MFRP: variants seen among roughly 807,000 people sequenced by gnomAD.
MFRP encodes the protein membrane frizzled-related protein.
Under a neutral mutation model 65.8 loss-of-function variants are expected in MFRP, and 74 were observed. That is an observed-to-expected ratio of 1.12 (90% CI 0.93 to 1.36). The LOEUF (loss-of-function observed/expected upper bound fraction) is 1.36. Ranked by LOEUF, MFRP falls within the 40% of genes most tolerant of loss-of-function variation. The probability of loss-of-function intolerance (pLI) is 0.00; values close to 1 mark genes in which losing one functional copy is unlikely to be tolerated. For synonymous variants in MFRP, 336 were observed against 288.3 expected, an observed-to-expected ratio of 1.17 and a Z score of -1.68; for missense variants, 838 against 736.0, an observed-to-expected ratio of 1.14 and a Z score of -1.60.
In MFRP at chr11:119,342,576, C is replaced by G. The variant is rs371437024; in HGVS notation, c.1387+20G>C. ...GTGGGCACCCAGCCTGCTCAGGGTC[C>G]CCAGGGGCAGGCTTCTCACCTGGGG... On this transcript the variant is annotated intron_variant, in intron 11 of 14. Coordinates refer to ENST00000619721, the MANE Select transcript of MFRP (RefSeq NM_031433.4). 6.2e-7 allele frequency: 1 copy of G among 1,612,484 alleles called. No individual in the cohort carries two copies. The highest frequency in any genetic ancestry group is 8.5e-7 in the Non-Finnish European group (1 of 1,179,626).
Position 119,345,486 on chromosome 11 carries a change from T to G in MFRP, c.575A>C (p.Glu192Ala). 7 of 1,614,104 alleles carry G rather than the reference T, an allele frequency of 4.3e-6. No homozygotes were observed. Among genetic ancestry groups the G allele is most frequent in the Non-Finnish European group, 5.9e-6 (7 of 1,180,040 alleles). The change falls in exon 5 of 15, where the codon GAG becomes GCG. Residue 192 changes from glutamate (E) to alanine (A), a missense_variant. Transcript: ENST00000619721. ...IQLKIEALSI[E>A]SVASCLFDRL... is the part of the protein sequence containing the mutation. ...ATCAAAAAGGCAAGAGGCCACACTC[T>G]CTATGCTGAGGGCTTCGATCTTGAG...
rs1202992901 is a variant in MFRP at position 119,343,852 on chromosome 11, T to C, written c.1088A>G (p.Glu363Gly). The C allele has an allele frequency of 3.7e-6, 6 of 1,613,848 alleles. No individual in the cohort carries two copies. Among genetic ancestry groups the C allele is most frequent in the African/African-American group, 2.7e-5 (2 of 74,884 alleles). The part of the protein sequence containing the change: ...ECKFDYVEVY[E>G]TSSSGAFSLL... The stretch of plus-strand genomic sequence containing the variant: ...GCTGAAGGCCCCTGAGCTGCTGGTC[T>C]CATACACCTCCACGTAGTCAAACTT... Residue 363 changes from glutamate (E) to glycine (G), a missense_variant, in exon 9 of 15, where the codon GAG (glutamate) becomes GGG (glycine). Transcript: ENST00000619721.
Position 119,344,734 on chromosome 11 carries a change from G to C in MFRP, c.796C>G (p.Arg266Gly). 6.2e-7 allele frequency: 1 copy of C among 1,613,996 alleles called. No homozygotes were observed. Among genetic ancestry groups the C allele is most frequent in the Non-Finnish European group, 8.5e-7 (1 of 1,179,994 alleles). ...GRGSCAHDEFRCDQLICLLPD... is the reference protein window; with the variant it reads ...GRGSCAHDEFGCDQLICLLPD... ...AGCAGGCAGATGAGCTGGTCACAGC[G>C]GAACTCATCATGGGCACAGCTCCCT... The change falls in exon 7 of 15, where the codon CGC becomes GGC. Residue 266 changes from arginine (R) to glycine (G), a missense_variant. Physicochemically the swap from Arg to Gly is moderately radical, Grantham distance 125. Transcript: ENST00000619721.
At chr11:119,343,761 G>A in intron 9 of MFRP, 55 bp downstream of exon 9, 1 of 1,608,758 alleles carries the variant, frequency 6.2e-7, no homozygotes, top group Non-Finnish European at 8.5e-7. Flanking sequence ...ATGGAAGCCG[G>A]GGGTGGCAGA....
rs1179872820 is a variant in MFRP at position 119,343,810 on chromosome 11, C to T, written c.1124+6G>A. The T allele has an allele frequency of 1.2e-6, 2 of 1,613,766 alleles. No homozygotes were observed. The highest frequency in any genetic ancestry group is 2.7e-5 in the African/African-American group (2 of 74,888). ...GTTATCCATGGCTCTTCCCTGGCTC[C>T]TGTACCTGCCCAGGAGGCTGAAGGC... is the stretch of plus-strand genomic sequence containing the variant. On this transcript the variant is annotated splice_donor_region_variant and intron_variant, in intron 9 of 14. Transcript: ENST00000619721.
In MFRP at chr11:119,345,555, T is replaced by C. The variant is rs745894130; in HGVS notation, c.506A>G (p.His169Arg). The change falls in exon 5 of 15, where the codon CAC becomes CGC. Residue 169 changes from histidine to arginine, a missense_variant. His to Arg is a conservative substitution (Grantham distance 29, BLOSUM62 0). Transcript: ENST00000619721. ...GGCCACCTGGATATGCCACACGCAG[T>C]GGGTGTTGGGGGGGTAAGGGTCTGG... ...NYPDPYPPNTHCVWHIQVATD... is the reference protein window; with the variant it reads ...NYPDPYPPNTRCVWHIQVATD... The C allele has an allele frequency of 4.1e-5, 66 of 1,613,812 alleles. No homozygotes were observed. In the Middle Eastern group the frequency reaches 4.9e-4, roughly 12 times the overall value.
Position 119,341,994 on chromosome 11 carries a change from T to C in MFRP, c.1388-10A>G. ...GGCTCACAGGCCAGCTCTGCAGGGG[T>C]GGAGGGGAGGGCCACTGTGGGGACT... On this transcript the variant is annotated splice_polypyrimidine_tract_variant and intron_variant, in intron 11 of 14. Transcript: ENST00000619721. The C allele has an allele frequency of 6.2e-7, 1 of 1,612,654 alleles. No homozygotes were observed. Among genetic ancestry groups the C allele is most frequent in the Non-Finnish European group, 8.5e-7 (1 of 1,179,856 alleles).
intron 11 of MFRP, 31 bp from the exon 12 acceptor site, chr11:119,342,015 G>T: frequency 6.2e-7 from 1 of 1,612,220 alleles, no homozygotes; most frequent in Non-Finnish European, 8.5e-7. Context: ...GCCACTGTGG[G>T]GACTGCTCAC....
In MFRP at chr11:119,339,755, C is replaced by T; in HGVS notation, c.*1204G>A. On this transcript the variant is annotated 3_prime_UTR_variant, in exon 15 of 15. Transcript: ENST00000619721. The surrounding 1 kb of genome is among the most constrained non-coding windows in gnomAD (Gnocchi z 5.4). The stretch of plus-strand genomic sequence containing the variant: ...GGAGCGCTTGGCGCTGAAGGCGGAT[C>T]GCGGAGGCACCGAGCACTCCCCGGC... 6.3e-7 allele frequency: 1 copy of T among 1,590,376 alleles called. No homozygotes were observed.
chr11:119,342,440 C>G (rs1307422131), intron 11 of MFRP, among the ~76,000 whole-genome samples, 156 bp downstream of exon 11: 1 of 152,174 alleles, frequency 6.6e-6, no homozygotes, highest in Admixed American at 6.5e-5. Flanking sequence ...CGACTGTCTT[C>G]CAGGACTCTG....
At chr11:119,340,545 G>A in intron 13 of MFRP, 105 bp from the exon 14 acceptor site, 1 of 816,930 alleles carries the variant, frequency 1.2e-6, no homozygotes, top group Non-Finnish European at 1.9e-6. Flanking sequence ...CCGTGCCCCT[G>A]AGGCTGAGCG....
In MFRP at chr11:119,340,905, C is replaced by T. The variant is rs548497696; in HGVS notation, c.*643G>A. On this transcript the variant is annotated 3_prime_UTR_variant, in exon 13 of 15. Transcript: ENST00000619721. ...GTTCAGGGGCCAAGAGCTCCCGGAC[C>T]GGGAAATAGCTGGGAAATAACTCGT... 1.8e-4 allele frequency: 31 copies of T among 167,650 alleles called. 1 individual carries two copies. In the South Asian group the frequency reaches 2.3e-3, roughly 12 times the overall value. 10.4% of individuals were successfully genotyped at this position (167,650 alleles called of 1,614,324 possible).
At chr11:119,344,053 C>CAG in intron 8 of MFRP, 89 bp from the exon 9 acceptor site, 3 of 1,525,654 alleles carry the variant, frequency 2.0e-6, no homozygotes, top group Non-Finnish European at 2.7e-6. Context: ...CCACTGCTGG[C>CAG]TGGGGGGATG....
rs1254577055 is a variant in MFRP, at chr11:119,342,916, A to C, written c.1212T>G (p.Ser404Arg). ...VLFRTDHGIS[S>R]GGFSATYLAF... is the part of the protein sequence containing the mutation. ...CCAGGTAGGTGGCTGAGAAGCCTCC[A>C]CTGCTGATGCCATGATCTGTCCTAA... is the stretch of plus-strand genomic sequence containing the variant. The change falls in exon 10 of 15, where the codon AGT (serine) becomes AGG (arginine). Residue 404 changes from serine (S) to arginine (R), a missense_variant. Ser to Arg is a moderately radical substitution (Grantham distance 110, BLOSUM62 -1). Transcript: ENST00000619721. The C allele has an allele frequency of 2.5e-6, 4 of 1,613,034 alleles. No homozygotes were observed. Among genetic ancestry groups the C allele is most frequent in the Non-Finnish European group, 3.4e-6 (4 of 1,179,908 alleles).
rs1950516238 is a variant in MFRP at position 119,342,796 on chromosome 11, G to A, written c.1256-69C>T. 7 of 1,612,890 alleles carry A rather than the reference G, an allele frequency of 4.3e-6. No homozygotes were observed. The Admixed American group carries it at 1.2e-4, about 27-fold the overall frequency. ...ACCCCCAGTACCCCCAGAGTGTCCT[G>A]ACCAGGGTCCAGAGCCCTTGTCTGT... On this transcript the variant is annotated intron_variant, in intron 10 of 14. Coordinates refer to ENST00000619721, the MANE Select transcript of MFRP (RefSeq NM_031433.4).
rs747092151 is a variant in MFRP at position 119,344,614 on chromosome 11, C to G, written c.898+18G>C. 64 of 1,613,826 alleles carry G rather than the reference C, an allele frequency of 4.0e-5. No homozygotes were observed. The highest frequency in any genetic ancestry group is 5.0e-5 in the Non-Finnish European group (59 of 1,180,042). ...AGATCAGACGCCTGAAGAGAGGACC[C>G]CCATGCCTGGCCCGTACCCGAGAAC... On this transcript the variant is annotated intron_variant, in intron 7 of 14. Coordinates refer to ENST00000619721, the MANE Select transcript of MFRP (RefSeq NM_031433.4).
chr11:119,343,956 G>C lies in MFRP; in HGVS notation c.984C>G (p.Thr328=). 2 of 1,612,900 alleles carry C rather than the reference G, an allele frequency of 1.2e-6. No individual in the cohort carries two copies. The highest frequency in any genetic ancestry group is 1.1e-5 in the South Asian group (1 of 91,054). The change falls in exon 9 of 15, where the codon ACC becomes ACG. Residue 328 remains threonine, a synonymous_variant. Transcript: ENST00000619721. ...LQQYPHQLLC[T]WHISVPAGHS... ...GTCCGGCAGGCACCGAGATATGCCA[G>C]GTGCAGAGCTGGGGGAGGGCATAGG...
At position 119,344,946 on chromosome 11, in the gene MFRP, C is replaced by T; in HGVS notation, c.700G>A (p.Val234Ile). 1 of 1,610,524 alleles carries T rather than the reference C, an allele frequency of 6.2e-7. No individual in the cohort carries two copies. Among genetic ancestry groups the T allele is most frequent in the African/African-American group, 1.3e-5 (1 of 75,024 alleles). Reference protein sequence around the residue: ...LNTNASHLLVVFVSDSSVEGF... With the variant: ...LNTNASHLLVIFVSDSSVEGF... ...TCCACACTGCTGTCAGAGACGAAGA[C>T]CACCAGGAGGTGGCTGGCATTGGTG... Residue 234 changes from valine to isoleucine, a missense_variant, in exon 6 of 15, where the codon GTC becomes ATC. Physicochemically the swap from Val to Ile is conservative, Grantham distance 29. Coordinates refer to ENST00000619721, the MANE Select transcript of MFRP (RefSeq NM_031433.4).
chr11:119,345,560 G>A lies in MFRP; in HGVS notation c.501C>T (p.Asn167=). Residue 167 remains asparagine, a synonymous_variant, in exon 5 of 15, where the codon AAC becomes AAT. Transcript: ENST00000619721. ...CCTGGATATGCCACACGCAGTGGGT[G>A]TTGGGGGGGTAAGGGTCTGGGTAGT... ...SPNYPDPYPP[N]THCVWHIQVA... 1.2e-6 allele frequency: 2 copies of A among 1,614,062 alleles called. No homozygotes were observed. Among genetic ancestry groups the A allele is most frequent in the South Asian group, 1.1e-5 (1 of 91,080 alleles).
Sources: allele counts gnomAD v4.1 joint callset (sites outside exome capture counted in the v4.1 genomes callset), GRCh38; gene constraint gnomAD v4.1.1; non-coding constraint Gnocchi (gnomAD v3.1); transcripts MANE v1.5; gene names NCBI Gene and HGNC (gene_info 2026-07-23, HGNC 2026-07-21).